Variants in ADGRL2 observed in about 807,000 individuals in gnomAD.
ADGRL2 encodes adhesion G protein-coupled receptor L2.
In ADGRL2, 44 loss-of-function variants were observed where a neutral mutation model predicts 157.4. That is an observed-to-expected ratio of 0.28 (90% CI 0.22 to 0.36). The LOEUF (loss-of-function observed/expected upper bound fraction) is 0.36. ADGRL2 is among the 10% of genes least tolerant of loss of function. ADGRL2 has a pLI of 1.00. For synonymous variants in ADGRL2, 585 were observed against 624.7 expected, an observed-to-expected ratio of 0.94 and a Z score of 0.95; for missense variants, 1,510 against 1,768.9, an observed-to-expected ratio of 0.85 and a Z score of 2.63.
At chr1:81,979,050 G>A (rs1398424763) in intron 17 of ADGRL2, among the ~76,000 whole-genome samples, 2 of 151,660 alleles carry the variant, frequency 1.3e-5, no homozygotes, top group African/African-American at 4.8e-5. Context: ...CCAGGTGTCT[G>A]TAGAAACAAA....
chr1:81,884,678 G>A lies in ADGRL2; in HGVS notation c.74-22339G>A, dbSNP rs542500315. On this transcript the variant is annotated intron_variant, in intron 2 of 23. Coordinates refer to ENST00000686636, the MANE Select transcript of ADGRL2 (RefSeq NM_001366006.2). ...GGAGGTAGGCTTATAAATATGCTAC[G>A]TAAGTGACCAGCTCTAGAGGAACCT... Among the ~76,000 whole-genome samples the A allele has an allele frequency of 5.9e-5, 9 of 152,224 alleles. No individual in the cohort carries two copies. The South Asian group carries it at 1.4e-3, about 25-fold the overall frequency.
At chr1:81,368,934 T>C (rs1444262573) in intron 1 of ADGRL2, among the ~76,000 whole-genome samples, 2 of 152,166 alleles carry the variant, frequency 1.3e-5, no homozygotes, top group Admixed American at 6.5e-5. Flanking sequence ...TCTATAACCA[T>C]AAAATATCCT....
intron 1 of ADGRL2, among the ~76,000 whole-genome samples, chr1:81,707,160 C>A (rs1050771095): frequency 1.3e-5 from 2 of 151,730 alleles, no homozygotes; most frequent in African/African-American, 2.4e-5. Context: ...AGGTGGGTGG[C>A]GGTTAATGGG....
intron 2 of ADGRL2, among the ~76,000 whole-genome samples, chr1:81,766,154 C>G (rs2086109192): frequency 6.6e-6 from 1 of 152,138 alleles, no homozygotes; most frequent in South Asian, 2.1e-4. Flanking sequence ...AGGGAGTTCA[C>G]TCTGAGTGCT....
At chr1:81,808,079 G>A (rs2089396615) in intron 1 of ADGRL2, among the ~76,000 whole-genome samples, 1 of 151,884 alleles carries the variant, frequency 6.6e-6, no homozygotes, top group African/African-American at 2.4e-5. Flanking sequence ...GCAGCTTATA[G>A]CAAAATACTA....
At chr1:81,606,776 G>A (rs201167767) in intron 3 of ADGRL2, among the ~76,000 whole-genome samples, 91 of 141,904 alleles carry the variant, frequency 6.4e-4, no homozygotes, top group Non-Finnish European at 1.2e-3. Context: ...GTGTGTGTGC[G>A]CACGCGTGTG....
chr1:81,885,598 A>C (rs530146368), intron 2 of ADGRL2, among the ~76,000 whole-genome samples: 3 of 152,198 alleles, frequency 2.0e-5, no homozygotes, highest in African/African-American at 7.2e-5. Flanking sequence ...TGCATGTTAC[A>C]TGATTGCCTG....
intron 2 of ADGRL2, among the ~76,000 whole-genome samples, chr1:81,459,304 C>G (rs1452987082): frequency 1.3e-5 from 2 of 152,122 alleles, no homozygotes; most frequent in Non-Finnish European, 2.9e-5. Context: ...CTGTCTGTCT[C>G]CTGTTGCTAT....
rs547524363 is a variant in ADGRL2 at position 81,651,080 on chromosome 1, T to TGG, written c.-143+70100_-143+70101insGG. ...CAGAAAAATCCAAGCTGTGTGGAGT[T>TGG]TAAGGGAGATCAGAATAGAGTCCAA... On this transcript the variant is annotated intron_variant, in intron 3 of 24. Transcript: ENST00000370721. Among the ~76,000 whole-genome samples the TGG allele has an allele frequency of 3.7e-3, 562 of 152,280 alleles. 2 individuals carry two copies. The highest frequency in any genetic ancestry group is 6.0e-3 in the Non-Finnish European group (409 of 68,024).
intron 1 of ADGRL2, among the ~76,000 whole-genome samples, chr1:81,374,634 G>A (rs1187251462): frequency 1.3e-5 from 2 of 150,734 alleles, no homozygotes; most frequent in African/African-American, 4.9e-5. Context: ...GGGCAAGTCC[G>A]CCTAGCTAAT....
At chr1:81,776,954 T>G (rs888509523) in intron 2 of ADGRL2, among the ~76,000 whole-genome samples, 1 of 152,214 alleles carries the variant, frequency 6.6e-6, no homozygotes, top group Non-Finnish European at 1.5e-5. Flanking sequence ...TAGCACAGTG[T>G]CTAGTAAATA....
intron 2 of ADGRL2, among the ~76,000 whole-genome samples, chr1:81,889,451 C>T (rs185653017): frequency 5.1e-4 from 77 of 152,226 alleles, no homozygotes; most frequent in African/African-American, 1.8e-3. Flanking sequence ...CAGAGCAAGG[C>T]CCCAACTGTC....
rs2077324460 is a variant in ADGRL2, at chr1:81,431,704, G to A, written c.-301-13332G>A. ...AAGAACTATGCTATTTATTTTTCCAGCACTCAAATTGCCTGTTCTTTTTTG... is the reference window on the plus strand; with the variant it reads ...AAGAACTATGCTATTTATTTTTCCAACACTCAAATTGCCTGTTCTTTTTTG... On this transcript the variant is annotated intron_variant, in intron 1 of 24. Coordinates refer to the ADGRL2 transcript ENST00000370721. Among the ~76,000 whole-genome samples the A allele has an allele frequency of 2.0e-5, 3 of 152,200 alleles. No homozygotes were observed. The South Asian group carries it at 6.2e-4, about 32-fold the overall frequency.
intron 1 of ADGRL2, among the ~76,000 whole-genome samples, chr1:81,706,143 G>A (rs1371536220): frequency 6.6e-6 from 1 of 152,118 alleles, no homozygotes; most frequent in African/African-American, 2.4e-5. Context: ...AGATTGCAGT[G>A]AGTGGGGATC....
intron 1 of ADGRL2, among the ~76,000 whole-genome samples, chr1:81,404,843 A>T (rs2076824953): frequency 6.6e-6 from 1 of 152,154 alleles, no homozygotes; most frequent in South Asian, 2.1e-4. Context: ...CACCTAAAAG[A>T]TATGTAGCAT....
At position 81,990,804 on chromosome 1, in the gene ADGRL2, G is replaced by A. The variant is rs761678542; in HGVS notation, c.4069G>A (p.Gly1357Arg). The A allele has an allele frequency of 4.3e-6, 7 of 1,614,052 alleles. No homozygotes were observed. The highest frequency in any genetic ancestry group is 5.1e-6 in the Non-Finnish European group (6 of 1,179,994). ...ACCCCAGAAGAAAGTGAAGTCCGAG[G>A]GAACTGACAGCTATGTCTCCCAACT... ...YQPQKKVKSE[G>R]TDSYVSQLTA... Residue 1357 changes from glycine (G) to arginine (R), a missense_variant, in exon 24 of 24, where the codon GGA becomes AGA. Physicochemically the swap from Gly to Arg is moderately radical, Grantham distance 125. Coordinates refer to ENST00000686636, the MANE Select transcript of ADGRL2 (RefSeq NM_001366006.2).
chr1:81,928,447 C>T (rs1235869820), intron 3 of ADGRL2, among the ~76,000 whole-genome samples: 1 of 151,958 alleles, frequency 6.6e-6, no homozygotes. Flanking sequence ...TCAAAAACAC[C>T]AGATTCTTAT....
At chr1:81,458,688 T>A (rs931909819) in intron 2 of ADGRL2, among the ~76,000 whole-genome samples, 5 of 152,094 alleles carry the variant, frequency 3.3e-5, no homozygotes, top group Non-Finnish European at 7.4e-5. Flanking sequence ...GGCACCAGTG[T>A]TTAGATGAGG....
intron 2 of ADGRL2, chr1:81,502,466 A>G (rs1246823926): frequency 1.9e-6 from 3 of 1,613,910 alleles, no homozygotes; most frequent in Non-Finnish European, 2.5e-6. Flanking sequence ...CTTCGTCTTT[A>G]TGCAGAAGAG....
Sources: gnomAD v4.1 joint callset for allele counts (sites outside exome capture counted in the v4.1 genomes callset) on GRCh38, gnomAD v4.1.1 for gene constraint, MANE v1.5 for transcripts, NCBI Gene and HGNC (gene_info 2026-07-23, HGNC 2026-07-21) for gene names.